The following TVP23C variants were observed in gnomAD, a reference collection of about 807,000 sequenced individuals.
TVP23C encodes trans-golgi network vesicle protein 23 homolog C.
Under a neutral mutation model 28.7 loss-of-function variants are expected in TVP23C, and 19 were observed. That is an observed-to-expected ratio of 0.66 (90% CI 0.46 to 0.97). TVP23C has a LOEUF of 0.97. Ranked by LOEUF, TVP23C falls within the 50% of genes least tolerant of loss-of-function variation. TVP23C has a pLI of 0.00. For synonymous variants in TVP23C, 68 were observed against 81.7 expected (o/e 0.83, Z 0.90); for missense variants, 186 against 241.3 (o/e 0.77, Z 1.52).
At position 15,538,961 on chromosome 17, in the gene TVP23C, G is replaced by C. The variant is rs1329652699; in HGVS notation, c.*1451C>G. On this transcript the variant is annotated 3_prime_UTR_variant, in exon 6 of 6. Transcript: ENST00000518321. ...CATCTTCTGTGAGAGAAACTGTACA[G>C]TAGAATAAAAAGAACAATAAATTTT... 1.0e-6 allele frequency: 1 copy of C among 985,666 alleles called. No homozygotes were observed. The highest frequency in any genetic ancestry group is 6.1e-5 in the Admixed American group (1 of 16,266). 61.1% of individuals were successfully genotyped at this position (985,666 alleles called of 1,614,324 possible).
chr17:15,526,426 C>T (rs1982730849), intron 5 of TVP23C, among the ~76,000 whole-genome samples: 1 of 152,194 alleles, frequency 6.6e-6, no homozygotes, highest in Non-Finnish European at 1.5e-5. Context: ...GCAGGGTTTG[C>T]CGAGATCAGG....
At chr17:15,546,308 A>C (rs527331393) in intron 4 of TVP23C, among the ~76,000 whole-genome samples, 1 of 152,042 alleles carries the variant, frequency 6.6e-6, no homozygotes, top group Non-Finnish European at 1.5e-5. Flanking sequence ...TAGGGTCCAG[A>C]GGGGAAAAAA....
At chr17:15,507,095 C>A in intron 5 of TVP23C, 1 of 1,079,766 alleles carries the variant, frequency 9.3e-7, no homozygotes, top group Non-Finnish European at 1.4e-6. Flanking sequence ...GGTGCCTCTA[C>A]GGGGAGAAAT....
chr17:15,548,972 G>A (rs769853991), intron 3 of TVP23C, among the ~76,000 whole-genome samples: 10 of 152,198 alleles, frequency 6.6e-5, no homozygotes, highest in Non-Finnish European at 1.5e-4. Context: ...GTAGCATATA[G>A]CAGTACTGAA....
chr17:15,516,076 C>T (rs560717288), intron 5 of TVP23C, among the ~76,000 whole-genome samples: 18 of 152,264 alleles, frequency 1.2e-4, no homozygotes, highest in African/African-American at 3.9e-4. Flanking sequence ...GAGGCCTCCC[C>T]AGAAGCAGAT....
At chr17:15,560,153 G>A (rs1394453269) in intron 1 of TVP23C, among the ~76,000 whole-genome samples, 3 of 149,224 alleles carry the variant, frequency 2.0e-5, no homozygotes, top group African/African-American at 7.3e-5. Flanking sequence ...TCCGCCTCCC[G>A]GGTTCAAGGG....
chr17:15,506,436 T>C (rs942836189), intron 5 of TVP23C, among the ~76,000 whole-genome samples: 1 of 152,200 alleles, frequency 6.6e-6, no homozygotes. Flanking sequence ...GCTCAGGGAT[T>C]GTAAACGCAC....
At chr17:15,524,892 G>T (rs1982656396) in intron 5 of TVP23C, among the ~76,000 whole-genome samples, 1 of 152,212 alleles carries the variant, frequency 6.6e-6, no homozygotes, top group African/African-American at 2.4e-5. Flanking sequence ...CATGAGCAGT[G>T]TCCTACCAGG....
intron 2 of TVP23C, 95 bp downstream of exon 2, chr17:15,555,187 T>C: frequency 6.5e-7 from 1 of 1,544,554 alleles, no homozygotes; most frequent in Admixed American, 1.8e-5. Flanking sequence ...ACAAGCACAT[T>C]GAAACAACTC....
Position 15,502,565 on chromosome 17 carries a change from C to CCTCGGGGCCGCATGG in TVP23C, c.*284_*298dup, listed in dbSNP as rs1333008652. ...GAACCCTCTGGCTCACCGCATCCTT[C>CCTCGGGGCCGCATGG]CTCGGGGCCGCATGGCCCTGCCCCA... is the stretch of plus-strand genomic sequence containing the variant. On this transcript the variant is annotated 3_prime_UTR_variant, in exon 6 of 6. Coordinates refer to the TVP23C transcript ENST00000225576. 11 of 328,428 alleles carry CCTCGGGGCCGCATGG rather than the reference C, an allele frequency of 3.3e-5. No homozygotes were observed. The South Asian group carries it at 7.3e-4, about 22-fold the overall frequency. The allele number at this position is 328,428 out of a possible 1,614,324, so 20.3% of individuals were successfully genotyped here. A position where few individuals can be genotyped will look rare whatever the true frequency, so the allele number is the denominator to read the frequency against.
At chr17:15,525,679 T>C (rs1982691170) in intron 5 of TVP23C, among the ~76,000 whole-genome samples, 1 of 152,148 alleles carries the variant, frequency 6.6e-6, no homozygotes, top group Non-Finnish European at 1.5e-5. Context: ...TGTGTGTGTG[T>C]GCATGTGTGT....
rs931613554 is a variant in TVP23C, at chr17:15,541,017, G to C, written c.463-456C>G. Among the ~76,000 whole-genome samples the C allele has an allele frequency of 2.6e-5, 4 of 152,304 alleles. No homozygotes were observed. In the East Asian group the frequency reaches 5.8e-4, roughly 22 times the overall value. Reference sequence around the variant, plus strand: ...AGGTAGGGGTGAATCTCTGCTCTACGTGACAACTGGCTTCTGGTAGAGGGG... The same window carrying C: ...AGGTAGGGGTGAATCTCTGCTCTACCTGACAACTGGCTTCTGGTAGAGGGG... On this transcript the variant is annotated intron_variant, in intron 5 of 5. Coordinates refer to ENST00000518321, the MANE Select transcript of TVP23C (RefSeq NM_001135036.2).
chr17:15,553,721 A>G lies in TVP23C; in HGVS notation c.204T>C (p.Ile68=), dbSNP rs1597545749. The G allele has an allele frequency of 3.1e-6, 5 of 1,613,270 alleles. No homozygotes were observed. In the African/African-American group the frequency reaches 4.0e-5, roughly 13 times the overall value. The part of the protein sequence containing the change: ...SSSFITCMVT[I]ILLLSCDFWA... Reference sequence around the variant, plus strand: ...AAAAGTCACACGACAACAACAAGATAATTGTAACCATACAGGTAATAAAGC... The same window carrying G: ...AAAAGTCACACGACAACAACAAGATGATTGTAACCATACAGGTAATAAAGC... Residue 68 remains isoleucine (I), a synonymous_variant, in exon 3 of 6, where the codon ATT becomes ATC. Coordinates refer to ENST00000518321, the MANE Select transcript of TVP23C (RefSeq NM_001135036.2).
intron 5 of TVP23C, among the ~76,000 whole-genome samples, chr17:15,506,699 C>T (rs1045497628): frequency 1.2e-4 from 19 of 152,166 alleles, no homozygotes; most frequent in Admixed American, 7.9e-4. Flanking sequence ...CCTGAGTCAG[C>T]GAGACCACGA....
chr17:15,537,613 C>T lies in TVP23C; in HGVS notation c.*2799G>A. 1 of 985,348 alleles carries T rather than the reference C, an allele frequency of 1.0e-6. No homozygotes were observed. Among genetic ancestry groups the T allele is most frequent in the Non-Finnish European group, 1.2e-6 (1 of 829,848 alleles). The allele number at this position is 985,348 out of a possible 1,614,324, so 61.0% of individuals were successfully genotyped here. On this transcript the variant is annotated 3_prime_UTR_variant, in exon 6 of 6. Transcript: ENST00000518321. ...TGCTTGCATACGTCTAAGAAATTTCCCCATGAAGTACATATTAAAAACTAA... is the reference window on the plus strand; with the variant it reads ...TGCTTGCATACGTCTAAGAAATTTCTCCATGAAGTACATATTAAAAACTAA...
At chr17:15,529,755 T>G (rs1597521117) in intron 5 of TVP23C, among the ~76,000 whole-genome samples, 1 of 152,262 alleles carries the variant, frequency 6.6e-6, no homozygotes, top group East Asian at 1.9e-4. Context: ...GTGTGCCTCT[T>G]GTAGACAACA....
At chr17:15,553,458 G>A (rs1273663398) in intron 3 of TVP23C, among the ~76,000 whole-genome samples, 3 of 150,820 alleles carry the variant, frequency 2.0e-5, no homozygotes, top group South Asian at 2.1e-4. Flanking sequence ...TTAGAATATG[G>A]CACAGAAAAA....
At position 15,537,759 on chromosome 17, in the gene TVP23C, G is replaced by C. The variant is rs1983215934; in HGVS notation, c.*2653C>G. 7.7e-6 allele frequency: 8 copies of C among 1,032,982 alleles called. No homozygotes were observed. The highest frequency in any genetic ancestry group is 9.3e-6 in the Non-Finnish European group (8 of 861,124). The allele number at this position is 1,032,982 out of a possible 1,614,324, so 64.0% of individuals were successfully genotyped here. ...CATATAGAGCTTTGAGACAGACTAAGAACATCCTCCTATGTTCTATGGATC... is the reference window on the plus strand; with the variant it reads ...CATATAGAGCTTTGAGACAGACTAACAACATCCTCCTATGTTCTATGGATC... On this transcript the variant is annotated 3_prime_UTR_variant, in exon 6 of 6. Transcript: ENST00000518321.
chr17:15,523,814 C>T (rs569200852), intron 5 of TVP23C, among the ~76,000 whole-genome samples: 14 of 152,008 alleles, frequency 9.2e-5, no homozygotes, highest in African/African-American at 3.1e-4. Flanking sequence ...GGGGATTCAC[C>T]GTGTTAGCCA....
Sources: allele counts gnomAD v4.1 joint callset (sites outside exome capture counted in the v4.1 genomes callset), GRCh38; gene constraint gnomAD v4.1.1; transcripts MANE v1.5; gene names NCBI Gene and HGNC (gene_info 2026-07-23, HGNC 2026-07-21).